Variants in SARNP observed in about 807,000 individuals in gnomAD.
The protein encoded by SARNP is SAP domain containing ribonucleoprotein.
A neutral mutation model predicts 38.1 loss-of-function variants in SARNP; 5 were observed. That is an observed-to-expected ratio of 0.13 (90% CI 0.07 to 0.28). The LOEUF is 0.28. Ranked by LOEUF, SARNP falls within the 10% of genes least tolerant of loss-of-function variation. The pLI, the probability that SARNP is intolerant of heterozygous loss-of-function variation, is 1.00. For synonymous variants in SARNP, 84 were observed against 80.6 expected (o/e 1.04, Z -0.23); for missense variants, 180 against 243.9 (o/e 0.74, Z 1.75).
chr12:55,779,776 C>G (rs1234077880), intron 9 of SARNP, among the ~76,000 whole-genome samples: 1 of 152,092 alleles, frequency 6.6e-6, no homozygotes, highest in Non-Finnish European at 1.5e-5. Context: ...CGAATAGTAC[C>G]AAACCCTATA....
At position 55,800,575 on chromosome 12, in the gene SARNP, T is replaced by C; in HGVS notation, c.238A>G (p.Lys80Glu). The change falls in exon 4 of 11, where the codon AAA (lysine) becomes GAA (glutamate). Residue 80 changes from lysine (K) to glutamate (E), a missense_variant. This residue lies in a region of SARNP where 161 missense variants were observed against 194.1 expected (regional missense o/e 0.83). Coordinates refer to ENST00000336133, the MANE Select transcript of SARNP (RefSeq NM_033082.4). ...LPVKEEEPPE[K>E]TVDVAAEKKV... ...AGGGATAATTACACATCAACAGTTT[T>C]TTCAGGGGGTTCTTCCTCTTTGACA... 1 of 1,610,388 alleles carries C rather than the reference T, an allele frequency of 6.2e-7. No homozygotes were observed. The highest frequency in any genetic ancestry group is 8.5e-7 in the Non-Finnish European group (1 of 1,178,004).
intron 9 of SARNP, among the ~76,000 whole-genome samples, chr12:55,786,622 TG>T (rs1330392204): frequency 1.2e-4 from 19 of 152,260 alleles, no homozygotes; most frequent in African/African-American, 4.6e-4. Flanking sequence ...GCTAATTTTT[TG>T]TATTTTTAGA....
chr12:55,760,821 T>C, intron 9 of SARNP, 181 bp from the exon 10 acceptor site: 1 of 533,334 alleles, frequency 1.9e-6, no homozygotes, highest in Non-Finnish European at 3.3e-6. Context: ...ATGTTGTACC[T>C]AGAATGACTA....
At chr12:55,805,555 T>C (rs1231336815) in intron 1 of SARNP, among the ~76,000 whole-genome samples, 1 of 151,348 alleles carries the variant, frequency 6.6e-6, no homozygotes, top group Non-Finnish European at 1.5e-5. Flanking sequence ...CTACTAAAAC[T>C]ACAAAACTAG....
chr12:55,807,800 C>T (rs1440422574), intron 1 of SARNP, among the ~76,000 whole-genome samples: 6 of 143,938 alleles, frequency 4.2e-5, no homozygotes, highest in African/African-American at 1.3e-4. Flanking sequence ...GGTGACAGAG[C>T]GAGACTTTGT....
At chr12:55,805,602 T>C (rs1376649018) in intron 1 of SARNP, among the ~76,000 whole-genome samples, 1 of 152,136 alleles carries the variant, frequency 6.6e-6, no homozygotes, top group Non-Finnish European at 1.5e-5. Context: ...ATCCCAGCAC[T>C]TTGGGGGGCC....
At chr12:55,776,059 T>C (rs1027242001) in intron 9 of SARNP, among the ~76,000 whole-genome samples, 5 of 152,250 alleles carry the variant, frequency 3.3e-5, no homozygotes, top group Admixed American at 1.3e-4. Flanking sequence ...GATATACAGT[T>C]GTCCCTCAGT....
At chr12:55,815,194 A>T (rs1484300728) in intron 1 of SARNP, among the ~76,000 whole-genome samples, 1 of 152,170 alleles carries the variant, frequency 6.6e-6, no homozygotes, top group East Asian at 1.9e-4. Context: ...AGGAGCTGGG[A>T]CTACAGGTGT....
At chr12:55,804,612 A>G (rs1046956202) in intron 1 of SARNP, among the ~76,000 whole-genome samples, 62 of 152,196 alleles carry the variant, frequency 4.1e-4, no homozygotes, top group African/African-American at 1.4e-3. Flanking sequence ...GAAGGTTAAC[A>G]GTATGATTTG....
chr12:55,783,125 A>C (rs940265195), intron 9 of SARNP, among the ~76,000 whole-genome samples: 1 of 151,892 alleles, frequency 6.6e-6, no homozygotes, highest in African/African-American at 2.4e-5. Context: ...AATAATAAAA[A>C]TGGTTTCCTA....
chr12:55,803,645 T>C lies in SARNP; in HGVS notation c.120A>G (p.Ala40=). The change falls in exon 2 of 11, where the codon GCA becomes GCG. Residue 40 remains alanine (A), a synonymous_variant. Coordinates refer to ENST00000336133, the MANE Select transcript of SARNP (RefSeq NM_033082.4). The part of the protein sequence containing the change: ...IKQDLIHRLQ[A]YLEEHAEEEA... ...AGTACTCACCATGTTCTTCAAGATA[T>C]GCCTGGAGTCTGTGGATAAGATCTT... is the stretch of plus-strand genomic sequence containing the variant. The C allele has an allele frequency of 6.2e-7, 1 of 1,611,588 alleles. No homozygotes were observed. The highest frequency in any genetic ancestry group is 8.5e-7 in the Non-Finnish European group (1 of 1,177,898).
At chr12:55,769,695 G>T (rs543238380) in intron 9 of SARNP, among the ~76,000 whole-genome samples, 1 of 152,184 alleles carries the variant, frequency 6.6e-6, no homozygotes. Flanking sequence ...TTACAACGGC[G>T]AACGATGCAT....
At chr12:55,776,445 AT>A (rs1879184847) in intron 9 of SARNP, among the ~76,000 whole-genome samples, 1 of 152,224 alleles carries the variant, frequency 6.6e-6, no homozygotes, top group Non-Finnish European at 1.5e-5. Flanking sequence ...AAACAAAAAA[AT>A]AGCATAGTAT....
chr12:55,757,322 A>G lies in SARNP; in HGVS notation c.*190T>C, dbSNP rs1157890637. 2 of 421,118 alleles carry G rather than the reference A, an allele frequency of 4.7e-6. No homozygotes were observed. Among genetic ancestry groups the G allele is most frequent in the Non-Finnish European group, 8.5e-6 (2 of 235,990 alleles). The allele number at this position is 421,118 out of a possible 1,614,324, so 26.1% of individuals were successfully genotyped here. A position where few individuals can be genotyped will look rare whatever the true frequency, so the allele number is the denominator to read the frequency against. On this transcript the variant is annotated 3_prime_UTR_variant, in exon 11 of 11. Coordinates refer to ENST00000336133, the MANE Select transcript of SARNP (RefSeq NM_033082.4). ...AAGCAACATAATCAAAAACAAAAAC[A>G]CAACAACCTTAAAGCTGAAACAGCA...
At chr12:55,784,961 A>G (rs1879447498) in intron 9 of SARNP, among the ~76,000 whole-genome samples, 1 of 152,236 alleles carries the variant, frequency 6.6e-6, no homozygotes, top group African/African-American at 2.4e-5. Context: ...ATATTCTAGT[A>G]AAGTGTTACT....
chr12:55,767,848 GAAAAAAAAAAA>G (rs767928003), intron 9 of SARNP, among the ~76,000 whole-genome samples: 3 of 35,394 alleles, frequency 8.5e-5, no homozygotes, highest in Admixed American at 3.3e-4. Flanking sequence ...CTCCCTCTCA[GAAAAAAAAAAA>G]AAAAAAAAAA....
At chr12:55,760,823 G>C in intron 9 of SARNP, 183 bp from the exon 10 acceptor site, 1 of 528,920 alleles carries the variant, frequency 1.9e-6, no homozygotes, top group Non-Finnish European at 3.3e-6. Flanking sequence ...GTTGTACCTA[G>C]AATGACTAAA....
intron 9 of SARNP, among the ~76,000 whole-genome samples, chr12:55,778,366 C>T (rs1054187418): frequency 2.6e-5 from 4 of 152,064 alleles, no homozygotes; most frequent in African/African-American, 9.7e-5. Context: ...AGGCTGGTCT[C>T]AAACTCCTGA....
At chr12:55,768,034 T>C (rs1047266165) in intron 9 of SARNP, among the ~76,000 whole-genome samples, 2 of 152,038 alleles carry the variant, frequency 1.3e-5, no homozygotes, top group African/African-American at 4.8e-5. Flanking sequence ...GGGTTAAAAT[T>C]TGGGTTGTGG....
Sources: allele counts gnomAD v4.1 joint callset (sites outside exome capture counted in the v4.1 genomes callset), GRCh38; gene constraint gnomAD v4.1.1; regional missense constraint gnomAD v4.1.1; transcripts MANE v1.5; gene names NCBI Gene and HGNC (gene_info 2026-07-23, HGNC 2026-07-21).